The following KDM2A variants were observed in gnomAD, a reference collection of about 807,000 sequenced individuals.
KDM2A encodes lysine demethylase 2A, also known as lysine-specific demethylase 2A.
KDM2A carries 3 observed loss-of-function variants against 137.3 expected under a neutral mutation model. The ratio of observed to expected loss-of-function variants is 0.02; its 90% CI spans 0.01 to 0.06. The LOEUF is 0.06. Ranked by LOEUF, KDM2A falls within the 10% of genes least tolerant of loss-of-function variation. The probability of loss-of-function intolerance (pLI) is 1.00; values close to 1 mark genes in which losing one functional copy is unlikely to be tolerated. For missense variants in KDM2A, 738 were observed against 1,510.6 expected (o/e 0.49, Z 8.48); for synonymous variants, 512 against 541.5 (o/e 0.95, Z 0.76).
Position 67,201,218 on chromosome 11 carries a change from A to ATGTGTGTGTG in KDM2A, c.308-6284_308-6275dup, listed in dbSNP as rs61320277. ...CAAAAAAAAAAATATATATATATAT[A>ATGTGTGTGTG]TGTGTGTGTGTGTGTGTATATATAT... On this transcript the variant is annotated intron_variant, in intron 5 of 20. Coordinates refer to ENST00000529006, the MANE Select transcript of KDM2A (RefSeq NM_012308.3). Among the ~76,000 whole-genome samples the ATGTGTGTGTG allele has an allele frequency of 2.2e-3, 321 of 145,530 alleles. 2 individuals carry two copies. Among genetic ancestry groups the ATGTGTGTGTG allele is most frequent in the Admixed American group, 6.1e-3 (88 of 14,388 alleles).
intron 2 of KDM2A, among the ~76,000 whole-genome samples, chr11:67,124,637 T>TTA (rs1357955939): frequency 2.0e-5 from 3 of 148,270 alleles, no homozygotes; most frequent in Middle Eastern, 3.5e-3. Flanking sequence ...TTTTTTTTTT[T>TTA]AAACAAGGTA....
At chr11:67,175,710 A>AG (rs1856961887) in intron 2 of KDM2A, among the ~76,000 whole-genome samples, 2 of 152,326 alleles carry the variant, frequency 1.3e-5, no homozygotes, top group Middle Eastern at 6.8e-3. Context: ...CTTTCTCCTG[A>AG]GTGAAGAAGA....
At chr11:67,228,350 T>C (rs1160693438) in intron 11 of KDM2A, among the ~76,000 whole-genome samples, 187 bp downstream of exon 11, 1 of 152,164 alleles carries the variant, frequency 6.6e-6, no homozygotes. Context: ...CCAAATGAAA[T>C]ACTCTGGATC....
In KDM2A at chr11:67,237,933, T is replaced by A. The variant is rs1017055950; in HGVS notation, c.1480-5076T>A. ...AGACCCTGTCTGAAAAAAAAAAAAA[T>A]TTATATCCTGTTATAGGATATATTT... On this transcript the variant is annotated intron_variant, in intron 12 of 20. Coordinates refer to ENST00000529006, the MANE Select transcript of KDM2A (RefSeq NM_012308.3). Among the ~76,000 whole-genome samples the A allele has an allele frequency of 6.3e-4, 96 of 151,798 alleles. 1 individual carries two copies. Among genetic ancestry groups the A allele is most frequent in the Admixed American group, 3.5e-3 (53 of 15,220 alleles).
chr11:67,181,183 T>G (rs1857084776), intron 3 of KDM2A, 137 bp from the exon 4 acceptor site: 1 of 466,940 alleles, frequency 2.1e-6, no homozygotes, highest in Non-Finnish European at 3.7e-6. Flanking sequence ...AAGCATATAT[T>G]TTATTGACTA....
chr11:67,157,309 TC>T (rs1856538480), intron 2 of KDM2A, among the ~76,000 whole-genome samples: 1 of 93,006 alleles, frequency 1.1e-5, no homozygotes, highest in African/African-American at 3.9e-5. Context: ...AGAGCAAGAC[TC>T]CCGTCTCAAA....
chr11:67,205,837 C>T (rs1857790217), intron 5 of KDM2A, among the ~76,000 whole-genome samples: 2 of 152,008 alleles, frequency 1.3e-5, no homozygotes, highest in South Asian at 4.1e-4. Flanking sequence ...CCACCATTTT[C>T]TGAATCTTTT....
At chr11:67,237,799 T>C (rs1054250171) in intron 12 of KDM2A, among the ~76,000 whole-genome samples, 2 of 152,070 alleles carry the variant, frequency 1.3e-5, no homozygotes, top group East Asian at 1.9e-4. Flanking sequence ...ATTAAGAAAT[T>C]AGCTGAGCAT....
intron 2 of KDM2A, among the ~76,000 whole-genome samples, chr11:67,130,116 C>G (rs1590705362): frequency 7.1e-6 from 1 of 141,218 alleles, no homozygotes; most frequent in African/African-American, 3.1e-5. Flanking sequence ...GCGTCCGCCA[C>G]CCCACCTGGC....
chr11:67,126,673 A>C (rs573093835), intron 2 of KDM2A, among the ~76,000 whole-genome samples: 1 of 148,336 alleles, frequency 6.7e-6, no homozygotes, highest in Non-Finnish European at 1.5e-5. Flanking sequence ...ACACCACTGC[A>C]CTCCAGCCTG....
At chr11:67,201,791 A>G (rs916349749) in intron 5 of KDM2A, among the ~76,000 whole-genome samples, 2 of 145,830 alleles carry the variant, frequency 1.4e-5, no homozygotes, top group Non-Finnish European at 3.0e-5. Context: ...AAAAAAAAAA[A>G]AAAAAAAAAA....
chr11:67,235,538 G>T (rs1858844654), intron 12 of KDM2A, among the ~76,000 whole-genome samples: 1 of 151,340 alleles, frequency 6.6e-6, no homozygotes, highest in African/African-American at 2.4e-5. Context: ...CCTGACCTCA[G>T]ATGATCCACC....
At chr11:67,226,449 G>A (rs942806054) in intron 10 of KDM2A, among the ~76,000 whole-genome samples, 1 of 152,158 alleles carries the variant, frequency 6.6e-6, no homozygotes, top group African/African-American at 2.4e-5. Flanking sequence ...CCAGCCAGGC[G>A]CAGTGGCTCA....
At chr11:67,123,897 G>A (rs1414593802) in intron 2 of KDM2A, among the ~76,000 whole-genome samples, 5 of 151,842 alleles carry the variant, frequency 3.3e-5, no homozygotes, top group African/African-American at 1.2e-4. Context: ...GGCTGGTCTC[G>A]AACTCCTGAC....
At chr11:67,129,576 T>TA (rs1192828090) in intron 2 of KDM2A, among the ~76,000 whole-genome samples, 1 of 151,574 alleles carries the variant, frequency 6.6e-6, no homozygotes, top group Non-Finnish European at 1.5e-5. Context: ...CTACTAAAAA[T>TA]ACAAAAAATT....
Position 67,240,168 on chromosome 11 carries a change from C to T in KDM2A, c.1480-2841C>T, listed in dbSNP as rs769554731. 47 of 1,499,670 alleles carry T rather than the reference C, an allele frequency of 3.1e-5. 1 individual carries two copies. The South Asian group carries it at 5.8e-4, about 18-fold the overall frequency. 92.9% of individuals were successfully genotyped at this position (1,499,670 alleles called of 1,614,324 possible). A position where few individuals can be genotyped will look rare whatever the true frequency, so the allele number is the denominator to read the frequency against. ...CCCAGAGCGCTGCACGCTGCTCCCT[C>T]TGGGTAGTCTGAAGGGTCAGAGCTG... On this transcript the variant is annotated intron_variant, in intron 12 of 20. Coordinates refer to ENST00000529006, the MANE Select transcript of KDM2A (RefSeq NM_012308.3).
chr11:67,160,542 T>C (rs1258860233), intron 2 of KDM2A, among the ~76,000 whole-genome samples: 1 of 152,030 alleles, frequency 6.6e-6, no homozygotes, highest in Non-Finnish European at 1.5e-5. Context: ...GAGGCCAAGG[T>C]GGGTGGATCA....
At chr11:67,180,858 C>T (rs1857076745) in intron 3 of KDM2A, among the ~76,000 whole-genome samples, 3 of 150,882 alleles carry the variant, frequency 2.0e-5, no homozygotes, top group Non-Finnish European at 2.9e-5. Context: ...GACGGGGTTT[C>T]GCCATGTTGG....
chr11:67,228,003 A>G, intron 10 of KDM2A, 34 bp from the exon 11 acceptor site: 1 of 1,594,402 alleles, frequency 6.3e-7, no homozygotes, highest in Non-Finnish European at 8.6e-7. Flanking sequence ...TTCCTTGAAA[A>G]TCGTCATCTT....
Sources: gnomAD v4.1 joint callset for allele counts (sites outside exome capture counted in the v4.1 genomes callset) on GRCh38, gnomAD v4.1.1 for gene constraint, MANE v1.5 for transcripts, NCBI Gene and HGNC (gene_info 2026-07-23, HGNC 2026-07-21) for gene names.